SEPTIN10: variants seen among roughly 807,000 people sequenced by gnomAD.
The protein encoded by SEPTIN10 is septin-10.
Under a neutral mutation model 54.8 loss-of-function variants are expected in SEPTIN10, and 66 were observed. That is an observed-to-expected ratio of 1.21 (90% confidence interval 0.99 to 1.48). The LOEUF (loss-of-function observed/expected upper bound fraction) is 1.48, where lower values mean the gene tolerates loss of function less well. Ranked by LOEUF, SEPTIN10 falls within the 40% of genes most tolerant of loss-of-function variation. The probability of loss-of-function intolerance (pLI) is 0.00; values close to 1 mark genes in which losing one functional copy is unlikely to be tolerated. For synonymous variants in SEPTIN10, 161 were observed against 181.0 expected (o/e 0.89, Z 0.89); for missense variants, 620 against 545.6 (o/e 1.14, Z -1.36).
intron 8 of SEPTIN10, among the ~76,000 whole-genome samples, chr2:109,561,830 T>G (rs1262571280): frequency 1.3e-5 from 2 of 152,162 alleles, no homozygotes; most frequent in African/African-American, 4.8e-5. Flanking sequence ...AATTTATCAG[T>G]GGGTCCTATG....
intron 4 of SEPTIN10, among the ~76,000 whole-genome samples, chr2:109,583,592 G>T (rs143337390): frequency 7.2e-4 from 109 of 152,254 alleles, no homozygotes; most frequent in African/African-American, 2.4e-3. Flanking sequence ...ATTTCTCAAA[G>T]AACTTAAACC....
At chr2:109,605,078 G>T (rs1456557491) in intron 1 of SEPTIN10, 1 of 152,122 alleles carries the variant, frequency 6.6e-6, no homozygotes, top group African/African-American at 2.4e-5. Context: ...ACAAATATAC[G>T]TGGCCCAGTG....
At position 109,553,136 on chromosome 2, in the gene SEPTIN10, A is replaced by G. The variant is rs367725750; in HGVS notation, c.1112T>C (p.Val371Ala). ...RKEEEMKQMF[V>A]QRVKEKEAIL... ...GGCTTCTTTCTCCTTTACTCGCTGCACAAACATCTGTTTCATTTCTTCTTC... is the reference window on the plus strand; with the variant it reads ...GGCTTCTTTCTCCTTTACTCGCTGCGCAAACATCTGTTTCATTTCTTCTTC... Residue 371 changes from valine to alanine, a missense_variant, in exon 9 of 11, where the codon GTG becomes GCG. Coordinates refer to ENST00000397712, the MANE Select transcript of SEPTIN10 (RefSeq NM_144710.5). 1.2e-5 allele frequency: 19 copies of G among 1,613,822 alleles called. No individual in the cohort carries two copies. The highest frequency in any genetic ancestry group is 1.4e-5 in the Non-Finnish European group (17 of 1,180,048).
chr2:109,588,887 A>G (rs1003273715), intron 2 of SEPTIN10, among the ~76,000 whole-genome samples: 2 of 151,884 alleles, frequency 1.3e-5, no homozygotes, highest in South Asian at 4.2e-4. Flanking sequence ...GGTATAGCTA[A>G]TAAGCCAAAA....
rs1684969226 is a variant in SEPTIN10 at position 109,558,807 on chromosome 2, T to C, written c.1028+5559A>G. Among the ~76,000 whole-genome samples, 3 of 152,176 alleles carry C rather than the reference T, an allele frequency of 2.0e-5. No homozygotes were observed. The South Asian group carries it at 6.2e-4, about 32-fold the overall frequency. On this transcript the variant is annotated intron_variant, in intron 8 of 10. Coordinates refer to ENST00000397712, the MANE Select transcript of SEPTIN10 (RefSeq NM_144710.5). ...CTTTACTGCTAGATAGATATAATAC[T>C]GAGGGACAGATTTTACATGCCAACC...
Position 109,585,162 on chromosome 2 carries a change from G to A in SEPTIN10, c.377C>T (p.Thr126Ile). 6.2e-7 allele frequency: 1 copy of A among 1,603,888 alleles called. No homozygotes were observed. The highest frequency in any genetic ancestry group is 8.5e-7 in the Non-Finnish European group (1 of 1,175,898). The change falls in exon 4 of 11, where the codon ACA becomes ATA. Residue 126 changes from threonine (T) to isoleucine (I), a missense_variant. By Grantham distance (89) the Thr-to-Ile change is moderately conservative. Coordinates refer to ENST00000397712, the MANE Select transcript of SEPTIN10 (RefSeq NM_144710.5). ...ATTTATTTGGTCACCAAATCCCACTGTATTCACAATGGTCAATTTCAATTG... is the reference window on the plus strand; with the variant it reads ...ATTTATTTGGTCACCAAATCCCACTATATTCACAATGGTCAATTTCAATTG... ...NVQLKLTIVNTVGFGDQINKE... is the reference protein window; with the variant it reads ...NVQLKLTIVNIVGFGDQINKE...
intron 8 of SEPTIN10, among the ~76,000 whole-genome samples, chr2:109,563,459 G>C (rs537220293): frequency 6.6e-6 from 1 of 152,180 alleles, no homozygotes; most frequent in African/African-American, 2.4e-5. Flanking sequence ...AGTCTCATAA[G>C]AGAGTTTAAA....
intron 1 of SEPTIN10, among the ~76,000 whole-genome samples, chr2:109,608,044 T>G (rs1173823486): frequency 6.6e-6 from 1 of 152,250 alleles, no homozygotes; most frequent in East Asian, 1.9e-4. Flanking sequence ...AATTTGTCAG[T>G]GAGAACATTT....
At chr2:109,565,946 A>G in intron 6 of SEPTIN10, 87 bp from the exon 7 acceptor site, 1 of 1,177,938 alleles carries the variant, frequency 8.5e-7, no homozygotes, top group Non-Finnish European at 1.3e-6. Context: ...GAAGAGAATA[A>G]TTAAATAACA....
At chr2:109,577,607 A>G (rs531858697) in intron 4 of SEPTIN10, among the ~76,000 whole-genome samples, 1 of 151,222 alleles carries the variant, frequency 6.6e-6, no homozygotes, top group Non-Finnish European at 1.5e-5. Flanking sequence ...TTAAAAAAAA[A>G]AAAAAGAAAA....
intron 8 of SEPTIN10, among the ~76,000 whole-genome samples, chr2:109,560,166 C>T (rs1685334529): frequency 2.0e-5 from 3 of 152,230 alleles, no homozygotes; most frequent in South Asian, 2.1e-4. Flanking sequence ...GTGATCCGCC[C>T]GCCTCAGCCT....
intron 1 of SEPTIN10, among the ~76,000 whole-genome samples, chr2:109,599,974 T>A (rs1293401183): frequency 6.6e-6 from 1 of 152,148 alleles, no homozygotes; most frequent in African/African-American, 2.4e-5. Flanking sequence ...CCATTCTGAT[T>A]CTCCCTTCAA....
At chr2:109,554,390 T>G (rs1185600431) in intron 8 of SEPTIN10, among the ~76,000 whole-genome samples, 1 of 152,224 alleles carries the variant, frequency 6.6e-6, no homozygotes, top group Non-Finnish European at 1.5e-5. Context: ...CAATAATATG[T>G]ATTCATTCAT....
Position 109,590,009 on chromosome 2 carries a change from CAT to C in SEPTIN10, c.99+3040_99+3041del, listed in dbSNP as rs368882798. On this transcript the variant is annotated intron_variant, in intron 2 of 10. Coordinates refer to ENST00000397712, the MANE Select transcript of SEPTIN10 (RefSeq NM_144710.5). The stretch of plus-strand genomic sequence containing the variant: ...GCATTATGTGCATTTTTCACATAAT[CAT>C]ATATATATATACACACACATATATA... Among the ~76,000 whole-genome samples the C allele has an allele frequency of 7.6e-3, 1,128 of 149,360 alleles. 8 individuals are homozygous for C. The highest frequency in any genetic ancestry group is 0.012 in the Non-Finnish European group (830 of 67,408).
chr2:109,602,745 G>A (rs1432043624), intron 1 of SEPTIN10, among the ~76,000 whole-genome samples: 1 of 151,220 alleles, frequency 6.6e-6, no homozygotes, highest in East Asian at 2.0e-4. Flanking sequence ...CATGTTCCAT[G>A]CAGGCTAGGT....
chr2:109,609,652 G>C (rs1393932202), intron 1 of SEPTIN10, among the ~76,000 whole-genome samples: 1 of 146,904 alleles, frequency 6.8e-6, no homozygotes, highest in Non-Finnish European at 1.5e-5. Context: ...AAAGAATTAA[G>C]AATCACAACT....
intron 1 of SEPTIN10, among the ~76,000 whole-genome samples, chr2:109,602,324 A>G (rs1696768436): frequency 6.6e-6 from 1 of 152,206 alleles, no homozygotes; most frequent in Admixed American, 6.5e-5. Context: ...TTAAGACAAT[A>G]AAATTGCATC....
chr2:109,573,022 T>C (rs770045891), intron 5 of SEPTIN10, among the ~76,000 whole-genome samples: 2 of 152,178 alleles, frequency 1.3e-5, no homozygotes, highest in Non-Finnish European at 1.5e-5. Flanking sequence ...TGGAAAAGAT[T>C]AGATAATATA....
At chr2:109,584,299 A>AT (rs1691922155) in intron 4 of SEPTIN10, among the ~76,000 whole-genome samples, 1 of 30,422 alleles carries the variant, frequency 3.3e-5, no homozygotes. Flanking sequence ...CAACAAGGTG[A>AT]AACCCGTCTC....
Sources: gnomAD v4.1 joint callset for allele counts (sites outside exome capture counted in the v4.1 genomes callset) on GRCh38, gnomAD v4.1.1 for gene constraint, MANE v1.5 for transcripts, NCBI Gene and HGNC (gene_info 2026-07-23, HGNC 2026-07-21) for gene names.